MEF2C: variants seen among roughly 807,000 people sequenced by gnomAD.
The protein encoded by MEF2C is myocyte enhancer factor 2C, also known as myocyte-specific enhancer factor 2C.
In MEF2C, 6 loss-of-function variants were observed where a neutral mutation model predicts 50.5. The observed-to-expected ratio is 0.12, with a 90% CI of 0.07 to 0.23. MEF2C has a LOEUF of 0.23. Ranked by LOEUF, MEF2C falls within the 10% of genes least tolerant of loss-of-function variation. The pLI, the probability that MEF2C is intolerant of heterozygous loss-of-function variation, is 1.00. For missense variants in MEF2C, 276 were observed against 605.0 expected, an observed-to-expected ratio of 0.46 and a Z score of 5.70; for synonymous variants, 183 against 228.0, an observed-to-expected ratio of 0.80 and a Z score of 1.78.
intron 6 of MEF2C, chr5:88,738,308 T>G (rs1466392201): frequency 1.0e-6 from 1 of 985,252 alleles, no homozygotes; most frequent in East Asian, 1.1e-4. Context: ...GTGTATAGTA[T>G]TATTTACCAA....
At chr5:88,886,685 C>G (rs191431124), upstream of MEF2C, among the ~76,000 whole-genome samples, 13 of 152,146 alleles carry the variant, frequency 8.5e-5, no homozygotes, top group Admixed American at 7.8e-4. Flanking sequence ...TTCTAATCAC[C>G]AAATATTTCT....
At chr5:88,834,152 G>A (rs1814123028) in intron 1 of MEF2C, among the ~76,000 whole-genome samples, 2 of 152,122 alleles carry the variant, frequency 1.3e-5, no homozygotes, top group Admixed American at 1.3e-4. Context: ...GTGGTGGGCA[G>A]GCAGGGTGAC....
At chr5:88,746,007 G>A (rs1055479008) in intron 6 of MEF2C, among the ~76,000 whole-genome samples, 1 of 152,220 alleles carries the variant, frequency 6.6e-6, no homozygotes, top group Non-Finnish European at 1.5e-5. Context: ...GATGTCTACT[G>A]TTAGTAGAGC....
intron 2 of MEF2C, among the ~76,000 whole-genome samples, chr5:88,810,640 T>C (rs1301777547): frequency 6.6e-6 from 1 of 152,158 alleles, no homozygotes; most frequent in Non-Finnish European, 1.5e-5. Flanking sequence ...GGTAGTAATT[T>C]AGCTGATTTA....
intron 1 of MEF2C, among the ~76,000 whole-genome samples, chr5:88,859,638 A>T (rs1303427540): frequency 6.6e-6 from 1 of 152,214 alleles, no homozygotes; most frequent in Non-Finnish European, 1.5e-5. Flanking sequence ...CTCATCCTAA[A>T]AGAAGCCAAT....
chr5:88,739,311 T>C, intron 6 of MEF2C: 8 of 984,562 alleles, frequency 8.1e-6, no homozygotes, highest in Non-Finnish European at 9.6e-6. Flanking sequence ...TTTGCTGCTT[T>C]TACTTCAACA....
upstream of MEF2C, among the ~76,000 whole-genome samples, chr5:88,885,309 TGAAAG>T (rs1411177250): frequency 6.6e-6 from 1 of 152,194 alleles, no homozygotes. Context: ...AGGCTTCACT[TGAAAG>T]GGGAAGGTTT....
chr5:88,746,509 C>T lies in MEF2C; in HGVS notation c.637+2561G>A, dbSNP rs915548664. 6.1e-6 allele frequency: 6 copies of T among 983,568 alleles called. No individual in the cohort carries two copies. The South Asian group carries it at 2.4e-4, about 39-fold the overall frequency. The allele number at this position is 983,568 out of a possible 1,614,324, so 60.9% of individuals were successfully genotyped here. On this transcript the variant is annotated intron_variant, in intron 6 of 10. Transcript: ENST00000504921. ...AAAAACTGCAGCTGCTAAAAAGTAA[C>T]GTAATTGCAGTCTCGCCACTTGGCC...
chr5:88,891,873 T>C (rs925858931), intron 1 of MEF2C, among the ~76,000 whole-genome samples: 2 of 152,190 alleles, frequency 1.3e-5, no homozygotes, highest in East Asian at 1.9e-4. Context: ...GTATTCTATA[T>C]ATCTTATTGT....
intron 1 of MEF2C, chr5:88,825,516 TAA>T (rs1810480499): frequency 2.0e-6 from 2 of 984,126 alleles, no homozygotes; most frequent in Non-Finnish European, 1.2e-6. Context: ...TTCAAAATTC[TAA>T]AGAGTTATAG....
At chr5:88,891,455 T>C (rs1186107679) in intron 1 of MEF2C, among the ~76,000 whole-genome samples, 6 of 144,450 alleles carry the variant, frequency 4.2e-5, no homozygotes, top group Admixed American at 3.7e-4. Context: ...TTGAGTGCAG[T>C]GGTGCGATCT....
chr5:88,741,300 A>C (rs150308935), intron 6 of MEF2C: 3 of 984,078 alleles, frequency 3.0e-6, no homozygotes, highest in Non-Finnish European at 3.6e-6. Context: ...ACAAGCACTT[A>C]CTCTGGGGCA....
At chr5:88,853,174 G>A (rs1168125146) in intron 1 of MEF2C, among the ~76,000 whole-genome samples, 1 of 152,158 alleles carries the variant, frequency 6.6e-6, no homozygotes, top group Non-Finnish European at 1.5e-5. Flanking sequence ...CAGTGAGCTA[G>A]GATAGCACCA....
intron 1 of MEF2C, among the ~76,000 whole-genome samples, chr5:88,856,758 G>A (rs564924109): frequency 7.2e-5 from 11 of 152,380 alleles, no homozygotes; most frequent in South Asian, 6.2e-4. Context: ...AAGTCAGGAC[G>A]TGAGGTTTGG....
At chr5:88,826,872 GAAA>G (rs1443363804) in intron 1 of MEF2C, among the ~76,000 whole-genome samples, 1 of 148,524 alleles carries the variant, frequency 6.7e-6, no homozygotes, top group Admixed American at 6.7e-5. Flanking sequence ...AGCATTCTTA[GAAA>G]ATGACAGAGC....
intron 1 of MEF2C, among the ~76,000 whole-genome samples, chr5:88,891,965 G>A (rs998883039): frequency 3.9e-5 from 6 of 151,990 alleles, no homozygotes; most frequent in East Asian, 1.9e-4. Flanking sequence ...AAGGATCCCC[G>A]AAGTGTCCAA....
intron 8 of MEF2C, 140 bp from the exon 9 acceptor site, chr5:88,729,487 A>T (rs1221796412): frequency 5.2e-6 from 4 of 768,970 alleles, no homozygotes; most frequent in Admixed American, 4.7e-5. Flanking sequence ...TGTCTCTATG[A>T]ACTCTGCCAA....
chr5:88,813,797 T>C (rs529316551), intron 2 of MEF2C, among the ~76,000 whole-genome samples: 10 of 152,246 alleles, frequency 6.6e-5, no homozygotes, highest in African/African-American at 2.2e-4. Context: ...TCATAAATAG[T>C]AGTTTCTTTG....
intron 3 of MEF2C, among the ~76,000 whole-genome samples, chr5:88,797,736 G>C (rs1382481166): frequency 1.3e-5 from 2 of 152,082 alleles, no homozygotes; most frequent in Non-Finnish European, 2.9e-5. Flanking sequence ...TTTCTTCATA[G>C]TGTCAATGGT....
Sources: gnomAD v4.1 joint callset for allele counts (sites outside exome capture counted in the v4.1 genomes callset) on GRCh38, gnomAD v4.1.1 for gene constraint, MANE v1.5 for transcripts, NCBI Gene and HGNC (gene_info 2026-07-23, HGNC 2026-07-21) for gene names.